The following ZNF528 variants were observed in gnomAD, a reference collection of about 807,000 sequenced individuals.
ZNF528 encodes zinc finger protein 528.
A neutral mutation model predicts 13.3 loss-of-function variants in ZNF528; 9 were observed. The observed-to-expected ratio is 0.67, with a 90% CI of 0.41 to 1.18. The LOEUF (loss-of-function observed/expected upper bound fraction) is 1.18. Ranked by LOEUF, ZNF528 falls within the 50% of genes most tolerant of loss-of-function variation. The probability of loss-of-function intolerance (pLI) is 0.01; values close to 1 mark genes in which losing one functional copy is unlikely to be tolerated. For missense variants in ZNF528, 858 were observed against 745.4 expected, an observed-to-expected ratio of 1.15 and a Z score of -1.76; for synonymous variants, 264 against 254.3, an observed-to-expected ratio of 1.04 and a Z score of -0.36.
At position 52,398,559 on chromosome 19, in the gene ZNF528, A is replaced by G; in HGVS notation, c.-197A>G. On this transcript the variant is annotated 5_prime_UTR_variant, in exon 2 of 7. The change creates a new upstream start codon in the 5' untranslated region. Transcript: ENST00000360465. Reference sequence around the variant, plus strand: ...GAGATGGGAACGAGGCAGAGGAAATAGAGAAATTTTGAAAGAGAAATGAAG... The same window carrying G: ...GAGATGGGAACGAGGCAGAGGAAATGGAGAAATTTTGAAAGAGAAATGAAG... 2.0e-6 allele frequency: 2 copies of G among 985,228 alleles called. No homozygotes were observed. The highest frequency in any genetic ancestry group is 1.0e-3 in the Middle Eastern group (2 of 1,910). The allele number at this position is 985,228 out of a possible 1,614,324, so 61.0% of individuals were successfully genotyped here.
At chr19:52,406,363 A>G (rs562036052) in intron 5 of ZNF528, 152 bp from the exon 6 acceptor site, 55 of 1,211,594 alleles carry the variant, frequency 4.5e-5, no homozygotes, top group South Asian at 1.9e-4. Flanking sequence ...GCATGTTACA[A>G]TGTTCCCTAA....
chr19:52,402,036 A>G lies in ZNF528; in HGVS notation c.15+8A>G. On this transcript the variant is annotated splice_region_variant and intron_variant, in intron 4 of 6. Coordinates refer to ENST00000360465, the MANE Select transcript of ZNF528 (RefSeq NM_032423.3). ...GGAATGGCCCTTACTCAGGTAAGGT[A>G]ATGTTCTCAGTGGATTGTTCTGTCT... The G allele has an allele frequency of 6.2e-7, 1 of 1,614,142 alleles. No individual in the cohort carries two copies.
intron 4 of ZNF528, chr19:52,402,344 A>C (rs1230778846): frequency 4.1e-6 from 2 of 486,090 alleles, no homozygotes; most frequent in East Asian, 7.0e-5. Context: ...ATCTGGATGC[A>C]CTGTCAGTGT....
At chr19:52,407,441 G>T (rs1242109048) in intron 6 of ZNF528, among the ~76,000 whole-genome samples, 1 of 152,024 alleles carries the variant, frequency 6.6e-6, no homozygotes, top group Admixed American at 6.6e-5. Context: ...CAACCAGTAA[G>T]GTGTGTTGTT....
Position 52,415,575 on chromosome 19 carries a change from C to G in ZNF528, c.723C>G (p.Tyr241Ter), listed in dbSNP as rs1271494874. Reference protein sequence around the residue: ...HRRMHTGEKPYKCHECGKLFS... With the variant: ...HRRMHTGEKP Reference sequence around the variant, plus strand: ...GAATGCATACTGGAGAGAAGCCTTACAAATGTCATGAATGTGGCAAGCTCT... The same window carrying G: ...GAATGCATACTGGAGAGAAGCCTTAGAAATGTCATGAATGTGGCAAGCTCT... Residue 241 changes from tyrosine (Y) to a stop codon, truncating the protein, a stop_gained, in exon 7 of 7, where the codon TAC becomes TAG. Transcript: ENST00000360465. LOFTEE classifies it low-confidence loss of function (END_TRUNC). 1.9e-6 allele frequency: 3 copies of G among 1,614,056 alleles called. No individual in the cohort carries two copies. The highest frequency in any genetic ancestry group is 1.7e-6 in the Non-Finnish European group (2 of 1,180,034).
In ZNF528 at chr19:52,415,993, T is replaced by C. The variant is rs1408775128; in HGVS notation, c.1141T>C (p.Tyr381His). ...HQLIHTGRKP[Y>H]KCKECDKVFG... ...GTTAATTCACACTGGAAGGAAACCT[T>C]ACAAATGTAAAGAATGTGACAAGGT... is the stretch of plus-strand genomic sequence containing the variant. The change falls in exon 7 of 7, where the codon TAC becomes CAC. Residue 381 changes from tyrosine (Y) to histidine (H), a missense_variant. Tyr to His is a moderately conservative substitution (Grantham distance 83). Transcript: ENST00000360465. The C allele has an allele frequency of 1.2e-6, 2 of 1,614,040 alleles. No individual in the cohort carries two copies. The highest frequency in any genetic ancestry group is 2.7e-5 in the African/African-American group (2 of 74,936).
intron 4 of ZNF528, among the ~76,000 whole-genome samples, chr19:52,405,666 A>T (rs1599822183): frequency 6.6e-6 from 1 of 151,622 alleles, no homozygotes. Context: ...CCCTGGATTA[A>T]TTTTTTTTGT....
At chr19:52,402,284 G>T in intron 4 of ZNF528, 2 of 606,574 alleles carry the variant, frequency 3.3e-6, no homozygotes, top group Non-Finnish European at 2.9e-6. Context: ...ACGGGGTGTG[G>T]GTCCCGTGGT....
rs377734164 is a variant in ZNF528 at position 52,416,548 on chromosome 19, G to A, written c.1696G>A (p.Ala566Thr). ...ATTTCGAGGGTGTTCAGGCCTTACT[G>A]CCCATCTTGCAATCCATACTGAAAA... is the stretch of plus-strand genomic sequence containing the variant. ...KAFRGCSGLT[A>T]HLAIHTEKKS... Residue 566 changes from alanine to threonine, a missense_variant, in exon 7 of 7, where the codon GCC (alanine) becomes ACC (threonine). By Grantham distance (58) the Ala-to-Thr change is moderately conservative. Transcript: ENST00000360465. 2.3e-5 allele frequency: 37 copies of A among 1,614,034 alleles called. No individual in the cohort carries two copies. Among genetic ancestry groups the A allele is most frequent in the African/African-American group, 2.7e-5 (2 of 74,910 alleles).
At position 52,417,661 on chromosome 19, in the gene ZNF528, G is replaced by C. The variant is rs2059018487; in HGVS notation, c.*922G>C. 6.6e-6 allele frequency: 1 copy of C among 152,354 alleles called. No individual in the cohort carries two copies. The allele number at this position is 152,354 out of a possible 1,614,324, so 9.4% of individuals were successfully genotyped here. On this transcript the variant is annotated 3_prime_UTR_variant, in exon 7 of 7. Transcript: ENST00000360465. ...AGATAGAGTCTCACTCTGTTGCCCAGGCTGGAGTGTAGTGGTGTGTTCTTG... is the reference window on the plus strand; with the variant it reads ...AGATAGAGTCTCACTCTGTTGCCCACGCTGGAGTGTAGTGGTGTGTTCTTG...
intron 3 of ZNF528, 57 bp downstream of exon 3, chr19:52,401,810 T>G: frequency 6.6e-7 from 1 of 1,521,124 alleles, no homozygotes; most frequent in South Asian, 1.2e-5. Context: ...CTTGCTCAGT[T>G]AGGATAAATC....
In ZNF528 at chr19:52,415,266, C is replaced by G. The variant is rs761918456; in HGVS notation, c.414C>G (p.Pro138=). 6.2e-7 allele frequency: 1 copy of G among 1,613,972 alleles called. No homozygotes were observed. Among genetic ancestry groups the G allele is most frequent in the East Asian group, 2.2e-5 (1 of 44,876 alleles). Residue 138 remains proline, a synonymous_variant, in exon 7 of 7, where the codon CCC becomes CCG. Transcript: ENST00000360465. ...KISGCKHFEK[P]VSDNSSVSPL... is the part of the protein sequence containing the mutation. ...CTGGGTGTAAGCATTTTGAAAAACC[C>G]GTCAGTGACAATTCCTCAGTTTCAC...
intron 6 of ZNF528, among the ~76,000 whole-genome samples, chr19:52,408,906 G>A (rs963220994): frequency 1.3e-5 from 2 of 152,090 alleles, no homozygotes; most frequent in African/African-American, 4.8e-5. Flanking sequence ...TAAAGATACC[G>A]TCCAGAGTGC....
Position 52,401,663 on chromosome 19 carries a change from T to G in ZNF528, c.-136-22T>G, listed in dbSNP as rs960536557. 135 of 194,518 alleles carry G rather than the reference T, an allele frequency of 6.9e-4. No homozygotes were observed. The African/African-American group carries it at 9.6e-3, about 14-fold the overall frequency. The allele number at this position is 194,518 out of a possible 1,614,324, so 12.0% of individuals were successfully genotyped here. ...AGTTTATTACCACATGAAGAATTGCTTTTTTTTTTTTTTTTTTTTAGGTTC... is the reference window on the plus strand; with the variant it reads ...AGTTTATTACCACATGAAGAATTGCGTTTTTTTTTTTTTTTTTTTAGGTTC... On this transcript the variant is annotated intron_variant, in intron 2 of 6. Coordinates refer to ENST00000360465, the MANE Select transcript of ZNF528 (RefSeq NM_032423.3).
At chr19:52,404,755 C>G (rs2058834669) in intron 4 of ZNF528, among the ~76,000 whole-genome samples, 1 of 151,762 alleles carries the variant, frequency 6.6e-6, no homozygotes, top group African/African-American at 2.4e-5. Context: ...CACCACCACA[C>G]CTGGCTAATT....
At chr19:52,402,736 G>A (rs2058809953) in intron 4 of ZNF528, among the ~76,000 whole-genome samples, 1 of 151,976 alleles carries the variant, frequency 6.6e-6, no homozygotes, top group Non-Finnish European at 1.5e-5. Context: ...AGGGTGCTGA[G>A]GTATTTTCTT....
At chr19:52,403,529 G>A (rs997256995) in intron 4 of ZNF528, among the ~76,000 whole-genome samples, 10 of 151,900 alleles carry the variant, frequency 6.6e-5, no homozygotes, top group East Asian at 1.9e-4. Flanking sequence ...GCATGGTGGC[G>A]CACATCTGTA....
At chr19:52,413,126 A>G (rs2058952339) in intron 6 of ZNF528, 1 of 152,202 alleles carries the variant, frequency 6.6e-6, no homozygotes, top group Non-Finnish European at 1.5e-5. Flanking sequence ...AAAGGATTGT[A>G]CTAGGACTCC....
intron 6 of ZNF528, chr19:52,413,163 A>G (rs2122581639): frequency 6.6e-6 from 1 of 152,300 alleles, no homozygotes; most frequent in Admixed American, 6.5e-5. Flanking sequence ...GCCCAGGCGC[A>G]TTTAGCAGCC....
Sources: allele counts gnomAD v4.1 joint callset (sites outside exome capture counted in the v4.1 genomes callset), GRCh38; gene constraint gnomAD v4.1.1; transcripts MANE v1.5; gene names NCBI Gene and HGNC (gene_info 2026-07-23, HGNC 2026-07-21).